ADAM12: variants seen among roughly 807,000 people sequenced by gnomAD.
ADAM12 encodes the protein ADAM metallopeptidase domain 12.
A neutral mutation model predicts 106.4 loss-of-function variants in ADAM12; 70 were observed. That is an observed-to-expected ratio of 0.66 (90% CI 0.54 to 0.80). The LOEUF (loss-of-function observed/expected upper bound fraction) is 0.80, where lower values mean the gene tolerates loss of function less well. Ranked by LOEUF, ADAM12 falls within the 30% of genes least tolerant of loss-of-function variation. ADAM12 has a pLI of 0.00. For missense variants in ADAM12, 1,010 were observed against 1,171.9 expected (o/e 0.86, Z 2.02); for synonymous variants, 420 against 433.5 (o/e 0.97, Z 0.39).
chr10:126,150,333 G>A (rs757106812), intron 4 of ADAM12, among the ~76,000 whole-genome samples: 8 of 152,186 alleles, frequency 5.3e-5, no homozygotes, highest in Admixed American at 4.6e-4. Context: ...TTATGACGTT[G>A]ATCCACAGAT....
chr10:126,262,894 G>A (rs1330037491), intron 3 of ADAM12, among the ~76,000 whole-genome samples: 3 of 152,172 alleles, frequency 2.0e-5, no homozygotes, highest in East Asian at 1.9e-4. Context: ...TCATGTTGGC[G>A]AGGGATGTCC....
At chr10:126,275,661 G>T (rs753564726) in intron 3 of ADAM12, among the ~76,000 whole-genome samples, 2 of 152,116 alleles carry the variant, frequency 1.3e-5, no homozygotes, top group Non-Finnish European at 1.5e-5. Flanking sequence ...AATATTCAAT[G>T]AGTAGATATT....
At chr10:126,364,293 T>C (rs12412592) in intron 1 of ADAM12, among the ~76,000 whole-genome samples, 18 of 151,870 alleles carry the variant, frequency 1.2e-4, no homozygotes, top group Admixed American at 1.1e-3. Context: ...TTGCTGTTTG[T>C]ACACATTTTT....
At chr10:126,057,684 T>C (rs1185947821) in intron 14 of ADAM12, among the ~76,000 whole-genome samples, 1 of 152,124 alleles carries the variant, frequency 6.6e-6, no homozygotes, top group Non-Finnish European at 1.5e-5. Flanking sequence ...GCCAGAGTGA[T>C]TCAGCACAAC....
intron 1 of ADAM12, among the ~76,000 whole-genome samples, chr10:126,350,744 T>C (rs1302640483): frequency 6.6e-6 from 1 of 152,188 alleles, no homozygotes; most frequent in Non-Finnish European, 1.5e-5. Context: ...GTTTGATTCA[T>C]CCCATTCTAC....
At chr10:126,113,706 ATATATATATATATATATATATAT>A (rs1565067689) in intron 6 of ADAM12, among the ~76,000 whole-genome samples, 16 of 76,878 alleles carry the variant, frequency 2.1e-4, no homozygotes, top group Admixed American at 7.6e-4. Context: ...ATATATATAT[ATATATATATATATATATATATAT>A]ATAATATATT....
At chr10:126,108,802 G>T in intron 7 of ADAM12, 138 bp from the exon 8 acceptor site, 1 of 734,808 alleles carries the variant, frequency 1.4e-6, no homozygotes, top group Non-Finnish European at 2.2e-6. Flanking sequence ...AAATGAGCTT[G>T]CATCCTGCCG....
intron 2 of ADAM12, among the ~76,000 whole-genome samples, chr10:126,294,159 T>C (rs1377322439): frequency 1.3e-5 from 2 of 152,186 alleles, no homozygotes; most frequent in Non-Finnish European, 2.9e-5. Context: ...CCTGACACTG[T>C]GCTAAGTACG....
chr10:126,243,484 A>AT (rs1565162693), intron 3 of ADAM12, among the ~76,000 whole-genome samples: 42 of 137,254 alleles, frequency 3.1e-4, no homozygotes, highest in African/African-American at 1.0e-3. Context: ...TGTGTGTGTG[A>AT]GTGTATGTGT....
intron 17 of ADAM12, among the ~76,000 whole-genome samples, chr10:126,045,226 A>AAAAT (rs757318735): frequency 1.6e-4 from 25 of 152,290 alleles, no homozygotes; most frequent in Admixed American, 3.3e-4. Context: ...CAGCCATCAG[A>AAAAT]AAATAATCTA....
intron 4 of ADAM12, among the ~76,000 whole-genome samples, chr10:126,139,767 G>A (rs962609376): frequency 6.6e-6 from 1 of 152,176 alleles, no homozygotes; most frequent in African/African-American, 2.4e-5. Context: ...TCTTCAATAA[G>A]CACGTGGCTT....
rs533787727 is a variant in ADAM12 at position 126,255,932 on chromosome 10, G to A, written c.260+22983C>T. On this transcript the variant is annotated intron_variant, in intron 3 of 22. Coordinates refer to ENST00000448723, the MANE Select transcript of ADAM12 (RefSeq NM_001288973.2). Reference sequence around the variant, plus strand: ...TCCAAGGGCCTTCGGCATCAGGAACGGTGCAGGGAAGGAGGTGGGTGCCCA... The same window carrying A: ...TCCAAGGGCCTTCGGCATCAGGAACAGTGCAGGGAAGGAGGTGGGTGCCCA... Among the ~76,000 whole-genome samples the A allele has an allele frequency of 5.3e-5, 8 of 152,290 alleles. No individual in the cohort carries two copies. In the East Asian group the frequency reaches 7.7e-4, roughly 15 times the overall value.
chr10:126,264,574 C>T (rs1259979909), intron 3 of ADAM12, among the ~76,000 whole-genome samples: 1 of 152,208 alleles, frequency 6.6e-6, no homozygotes, highest in Non-Finnish European at 1.5e-5. Context: ...TATTTCATAA[C>T]ATTTTTAGAC....
intron 1 of ADAM12, among the ~76,000 whole-genome samples, chr10:126,372,398 A>G (rs1310087285): frequency 1.3e-5 from 2 of 152,214 alleles, no homozygotes; most frequent in East Asian, 3.8e-4. Flanking sequence ...ATCCTTGCTC[A>G]TTGTTGACAA....
intron 2 of ADAM12, among the ~76,000 whole-genome samples, chr10:126,326,756 C>A (rs7089049): frequency 4.6e-5 from 7 of 152,224 alleles, no homozygotes; most frequent in Admixed American, 4.6e-4. Context: ...CCTCTCTACA[C>A]GCTCCCTCTT....
chr10:126,296,986 T>C (rs983605518), intron 2 of ADAM12, among the ~76,000 whole-genome samples: 28 of 152,286 alleles, frequency 1.8e-4, no homozygotes, highest in African/African-American at 6.5e-4. Context: ...ATTAAAAGCA[T>C]GAGATGCTGG....
At chr10:126,171,660 G>GA (rs1186134953) in intron 3 of ADAM12, among the ~76,000 whole-genome samples, 3 of 152,176 alleles carry the variant, frequency 2.0e-5, no homozygotes, top group Non-Finnish European at 4.4e-5. Context: ...CCCAAAACAT[G>GA]ACTTCACTTC....
At chr10:126,317,422 T>C (rs1853920341) in intron 2 of ADAM12, among the ~76,000 whole-genome samples, 1 of 152,212 alleles carries the variant, frequency 6.6e-6, no homozygotes, top group Non-Finnish European at 1.5e-5. Flanking sequence ...TTAGTACCTC[T>C]GCTGAGTAAA....
At chr10:126,045,303 C>A (rs17154105) in intron 17 of ADAM12, among the ~76,000 whole-genome samples, 20,116 of 152,146 alleles carry the variant, frequency 0.13, 1,421 homozygotes, top group Middle Eastern at 0.28. Flanking sequence ...CCGTCAACAC[C>A]CCCATCTGAG....
Sources: gnomAD v4.1 joint callset for allele counts (sites outside exome capture counted in the v4.1 genomes callset) on GRCh38, gnomAD v4.1.1 for gene constraint, MANE v1.5 for transcripts, NCBI Gene and HGNC (gene_info 2026-07-23, HGNC 2026-07-21) for gene names.